Variants in BEND7 observed in about 807,000 individuals in gnomAD.
The protein encoded by BEND7 is BEN domain containing 7.
Under a neutral mutation model 50.9 loss-of-function variants are expected in BEND7, and 28 were observed. That is an observed-to-expected ratio of 0.55 (90% CI 0.41 to 0.75). The LOEUF is 0.75. Ranked by LOEUF, BEND7 falls within the 30% of genes least tolerant of loss-of-function variation. The probability of loss-of-function intolerance (pLI) is 0.00; values close to 1 mark genes in which losing one functional copy is unlikely to be tolerated. For synonymous variants in BEND7, 170 were observed against 183.9 expected (o/e 0.92, Z 0.61); for missense variants, 477 against 491.3 (o/e 0.97, Z 0.28).
At chr10:13,473,426 C>A (rs937526966) in intron 6 of BEND7, among the ~76,000 whole-genome samples, 1 of 140,568 alleles carries the variant, frequency 7.1e-6, no homozygotes, top group Non-Finnish European at 1.5e-5. Flanking sequence ...GGCCGACATC[C>A]GTCATCACTG....
chr10:13,500,328 G>A (rs1343141378), intron 2 of BEND7, among the ~76,000 whole-genome samples: 1 of 152,202 alleles, frequency 6.6e-6, no homozygotes, highest in Non-Finnish European at 1.5e-5. Flanking sequence ...GGTTTCTTGA[G>A]AGTGTGTCAT....
chr10:13,473,413 C>T (rs1037269526), intron 6 of BEND7, among the ~76,000 whole-genome samples: 4 of 150,618 alleles, frequency 2.7e-5, no homozygotes, highest in East Asian at 3.9e-4. Context: ...CTGTTGGACT[C>T]GGGGCCGACA....
At chr10:13,442,977 T>C (rs971572033) in intron 8 of BEND7, 4 of 152,236 alleles carry the variant, frequency 2.6e-5, no homozygotes, top group African/African-American at 9.6e-5. Flanking sequence ...TTCTCCTTTA[T>C]ACTGCATCTA....
rs1284392786 is a variant in BEND7, at chr10:13,528,619, C to G, written c.-86G>C. On this transcript the variant is annotated 5_prime_UTR_variant, in exon 1 of 9. Transcript: ENST00000466271. ...GCGGCAGCGGCAGCGGCGGCGCGGGCTCGTGTCACCGCGGCGGAGCCGCCG... is the reference window on the plus strand; with the variant it reads ...GCGGCAGCGGCAGCGGCGGCGCGGGGTCGTGTCACCGCGGCGGAGCCGCCG... 2.7e-6 allele frequency: 2 copies of G among 742,746 alleles called. No individual in the cohort carries two copies. Among genetic ancestry groups the G allele is most frequent in the African/African-American group, 3.9e-5 (2 of 50,708 alleles). The allele number at this position is 742,746 out of a possible 1,614,324, so 46.0% of individuals were successfully genotyped here. A position where few individuals can be genotyped will look rare whatever the true frequency, so the allele number is the denominator to read the frequency against.
At chr10:13,449,734 A>C (rs898982823) in intron 7 of BEND7, among the ~76,000 whole-genome samples, 5 of 152,224 alleles carry the variant, frequency 3.3e-5, no homozygotes, top group African/African-American at 1.2e-4. Context: ...TTGAAAAAAC[A>C]GGCCTATGCA....
intron 2 of BEND7, among the ~76,000 whole-genome samples, chr10:13,518,353 C>T (rs1173726581): frequency 1.3e-5 from 2 of 152,222 alleles, no homozygotes; most frequent in Non-Finnish European, 2.9e-5. Flanking sequence ...GGTACAACTT[C>T]GGTGGCTGTG....
chr10:13,501,248 C>T (rs998549650), intron 2 of BEND7, among the ~76,000 whole-genome samples: 30 of 151,764 alleles, frequency 2.0e-4, no homozygotes, highest in African/African-American at 7.3e-4. Context: ...GTGGCACATG[C>T]CTGTAATCCC....
intron 2 of BEND7, among the ~76,000 whole-genome samples, chr10:13,521,822 C>T (rs750443253): frequency 1.9e-4 from 29 of 152,216 alleles, no homozygotes; most frequent in African/African-American, 5.5e-4. Flanking sequence ...ATTTTACAGA[C>T]GGACCTGCCG....
At chr10:13,460,263 T>G (rs1276971463) in intron 6 of BEND7, among the ~76,000 whole-genome samples, 1 of 151,910 alleles carries the variant, frequency 6.6e-6, no homozygotes, top group East Asian at 1.9e-4. Flanking sequence ...GAGACAAGGC[T>G]CATGGAGAGG....
chr10:13,518,022 G>A (rs1255051141), intron 2 of BEND7, among the ~76,000 whole-genome samples: 1 of 152,188 alleles, frequency 6.6e-6, no homozygotes, highest in Non-Finnish European at 1.5e-5. Flanking sequence ...TTATTTCACT[G>A]TATAGATGGC....
In BEND7 at chr10:13,496,747, C is replaced by G; in HGVS notation, c.571+19G>C. 1.2e-6 allele frequency: 2 copies of G among 1,606,410 alleles called. No homozygotes were observed. Among genetic ancestry groups the G allele is most frequent in the Non-Finnish European group, 1.7e-6 (2 of 1,177,388 alleles). On this transcript the variant is annotated intron_variant, in intron 4 of 8. Coordinates refer to ENST00000466271, the MANE Select transcript of BEND7 (RefSeq NM_001369863.1). ...GCATTAAAAATCAAAGGACTCATTC[C>G]GAGGCCTGATCCTTGTACCTGCTTG...
At chr10:13,455,675 T>C (rs145319378) in intron 6 of BEND7, among the ~76,000 whole-genome samples, 2 of 152,178 alleles carry the variant, frequency 1.3e-5, no homozygotes, top group African/African-American at 4.8e-5. Context: ...CTGATGAATC[T>C]GGAATAGAAA....
chr10:13,521,561 G>A (rs1027175487), intron 2 of BEND7, among the ~76,000 whole-genome samples: 8 of 152,210 alleles, frequency 5.3e-5, no homozygotes, highest in South Asian at 2.1e-4. Flanking sequence ...GTGGGGCCAG[G>A]GTGCTGAAGG....
At chr10:13,463,068 G>A (rs897383787) in intron 6 of BEND7, among the ~76,000 whole-genome samples, 9 of 152,092 alleles carry the variant, frequency 5.9e-5, no homozygotes, top group Non-Finnish European at 8.8e-5. Context: ...GGAAAATTTC[G>A]GAACAAAGAC....
At chr10:13,482,076 T>C (rs543554947) in intron 5 of BEND7, among the ~76,000 whole-genome samples, 1 of 152,344 alleles carries the variant, frequency 6.6e-6, no homozygotes, top group South Asian at 2.1e-4. Context: ...CTGCTGTTCA[T>C]TTAGCAGACA....
At chr10:13,467,822 C>T (rs924793101) in intron 6 of BEND7, among the ~76,000 whole-genome samples, 1 of 152,154 alleles carries the variant, frequency 6.6e-6, no homozygotes, top group Non-Finnish European at 1.5e-5. Flanking sequence ...TAAGAAACCA[C>T]CTTTTTCAGA....
intron 3 of BEND7, 177 bp from the exon 4 acceptor site, chr10:13,497,065 G>C (rs965697477): frequency 2.6e-6 from 2 of 764,066 alleles, no homozygotes; most frequent in Non-Finnish European, 3.9e-6. Context: ...TAAATCTGGG[G>C]GTCTGACTTT....
In BEND7 at chr10:13,480,094, T is replaced by C. The variant is rs146918560; in HGVS notation, c.1063+805A>G. Among the ~76,000 whole-genome samples, 73 of 152,198 alleles carry C rather than the reference T, an allele frequency of 4.8e-4. No individual in the cohort carries two copies. The East Asian group carries it at 0.013, about 27-fold the overall frequency. On this transcript the variant is annotated intron_variant, in intron 6 of 8. Coordinates refer to ENST00000466271, the MANE Select transcript of BEND7 (RefSeq NM_001369863.1). ...ATTCAGAGTCTCATTTTTCATGGAG[T>C]TGTGTTTAGTTTTGAGACTTGGTTT...
At chr10:13,510,527 A>G (rs2078201698) in intron 2 of BEND7, among the ~76,000 whole-genome samples, 1 of 152,250 alleles carries the variant, frequency 6.6e-6, no homozygotes, top group African/African-American at 2.4e-5. Context: ...ACATTAGATA[A>G]ATGAATTATG....
Sources: allele counts gnomAD v4.1 joint callset (sites outside exome capture counted in the v4.1 genomes callset), GRCh38; gene constraint gnomAD v4.1.1; transcripts MANE v1.5; gene names NCBI Gene and HGNC (gene_info 2026-07-23, HGNC 2026-07-21).